Variants in UBIAD1 observed in about 807,000 individuals in gnomAD.
The protein encoded by UBIAD1 is UbiA prenyltransferase domain containing 1.
In UBIAD1, 12 loss-of-function variants were observed where a neutral mutation model predicts 20.1. The ratio of observed to expected loss-of-function variants is 0.60; its 90% confidence interval spans 0.38 to 0.97. The LOEUF (loss-of-function observed/expected upper bound fraction) is 0.97, where lower values mean the gene tolerates loss of function less well. UBIAD1 is among the 50% of genes least tolerant of loss of function. UBIAD1 has a pLI of 0.00. For synonymous variants in UBIAD1, 207 were observed against 189.2 expected (o/e 1.09, Z -0.77); for missense variants, 333 against 419.5 (o/e 0.79, Z 1.80).
In UBIAD1 at chr1:11,285,061, G is replaced by A. The variant is rs146040646; in HGVS notation, c.530-583G>A. Among the ~76,000 whole-genome samples, 9 of 152,302 alleles carry A rather than the reference G, an allele frequency of 5.9e-5. No individual in the cohort carries two copies. The highest frequency in any genetic ancestry group is 4.1e-4 in the South Asian group (2 of 4,824). Reference sequence around the variant, plus strand: ...TTTCAATCTCATAGGAGACAGAGGAGGAAAGCAGCATTATAACTCTCCTGT... The same window carrying A: ...TTTCAATCTCATAGGAGACAGAGGAAGAAAGCAGCATTATAACTCTCCTGT... On this transcript the variant is annotated intron_variant, in intron 1 of 1. Transcript: ENST00000376810. The surrounding 1 kb of genome is among the most constrained non-coding windows in gnomAD (Gnocchi z 4.4).
rs144027134 is a variant in UBIAD1 at position 11,283,688 on chromosome 1, G to A, written c.530-1956G>A. Among the ~76,000 whole-genome samples the A allele has an allele frequency of 2.6e-5, 4 of 152,260 alleles. No homozygotes were observed. The East Asian group carries it at 5.8e-4, about 22-fold the overall frequency. ...GCACCAAGGGACCCCAGCTGCTGAT[G>A]TGAAGGTGAACTTGGACTGGATCTT... is the stretch of plus-strand genomic sequence containing the variant. On this transcript the variant is annotated intron_variant, in intron 1 of 1. Transcript: ENST00000376810.
chr1:11,285,789 C>G lies in UBIAD1; in HGVS notation c.675C>G (p.Thr225=), dbSNP rs139434794. 1.2e-4 allele frequency: 192 copies of G among 1,614,230 alleles called. No individual in the cohort carries two copies. In the African/African-American group the frequency reaches 2.3e-3, roughly 19 times the overall value. Reference sequence around the variant, plus strand: ...ATGCCATCCCCCTCGCCCTCAGCACCGAGGCCATTCTCCATTCCAACAACA... The same window carrying G: ...ATGCCATCCCCCTCGCCCTCAGCACGGAGGCCATTCTCCATTCCAACAACA... ...LVYAIPLALS[T]EAILHSNNTR... is the part of the protein sequence containing the mutation. The change falls in exon 2 of 2, where the codon ACC becomes ACG. Residue 225 remains threonine (T), a synonymous_variant. Coordinates refer to ENST00000376810, the MANE Select transcript of UBIAD1 (RefSeq NM_013319.3). This position sits in a 1 kb window ranked among gnomAD's most constrained non-coding sequence, Gnocchi z 4.4.
chr1:11,298,770 A>G (rs983662531), downstream of UBIAD1, among the ~76,000 whole-genome samples: 1 of 152,082 alleles, frequency 6.6e-6, no homozygotes, highest in African/African-American at 2.4e-5. The surrounding 1 kb of genome is among the most constrained non-coding windows in gnomAD (Gnocchi z 4.0). Context: ...AGCCATCTCA[A>G]TGTCTAGACA....
chr1:11,273,869 A>G lies in UBIAD1; in HGVS notation c.338A>G (p.His113Arg). The change falls in exon 1 of 2, where the codon CAC (histidine) becomes CGC (arginine). Residue 113 changes from histidine to arginine, a missense_variant. By Grantham distance (29) the His-to-Arg change is conservative. Coordinates refer to ENST00000376810, the MANE Select transcript of UBIAD1 (RefSeq NM_013319.3). This position sits in a 1 kb window ranked among gnomAD's most constrained non-coding sequence, Gnocchi z 4.9. ...TYYDFSKGID[H>R]KKSDDRTLVD... is the part of the protein sequence containing the mutation. Reference sequence around the variant, plus strand: ...TATGACTTTTCCAAGGGCATTGACCACAAAAAGAGTGATGACAGGACACTT... The same window carrying G: ...TATGACTTTTCCAAGGGCATTGACCGCAAAAAGAGTGATGACAGGACACTT... 1 of 1,614,230 alleles carries G rather than the reference A, an allele frequency of 6.2e-7. No individual in the cohort carries two copies. Among genetic ancestry groups the G allele is most frequent in the African/African-American group, 1.3e-5 (1 of 75,058 alleles).
chr1:11,286,544 C>T lies in UBIAD1; in HGVS notation c.*413C>T. On this transcript the variant is annotated 3_prime_UTR_variant, in exon 2 of 2. Coordinates refer to ENST00000376810, the MANE Select transcript of UBIAD1 (RefSeq NM_013319.3). ...AATAACTAGGCAGAGTGTTGTCCTG[C>T]TTTCTTCGTCTCGTAGGATGTGCTA... The T allele has an allele frequency of 3.3e-6, 1 of 299,124 alleles. No individual in the cohort carries two copies. The highest frequency in any genetic ancestry group is 3.2e-5 in the South Asian group (1 of 31,406). 18.5% of individuals were successfully genotyped at this position (299,124 alleles called of 1,614,324 possible). A position where few individuals can be genotyped will look rare whatever the true frequency, so the allele number is the denominator to read the frequency against.
chr1:11,298,606 A>AAAT (rs1189366758), downstream of UBIAD1, among the ~76,000 whole-genome samples: 1 of 151,472 alleles, frequency 6.6e-6, no homozygotes, highest in African/African-American at 2.4e-5. This position sits in a 1 kb window ranked among gnomAD's most constrained non-coding sequence, Gnocchi z 4.0. Flanking sequence ...ATAAATAAAT[A>AAAT]AAAGTTTCCC....
chr1:11,283,548 A>G (rs894095036), intron 1 of UBIAD1, among the ~76,000 whole-genome samples: 3 of 152,142 alleles, frequency 2.0e-5, no homozygotes, highest in Admixed American at 1.3e-4. Flanking sequence ...AAGGAAAAAA[A>G]ATATGGCTTG....
chr1:11,299,187 T>C (rs1638493561), downstream of UBIAD1, among the ~76,000 whole-genome samples: 1 of 152,202 alleles, frequency 6.6e-6, no homozygotes, highest in Admixed American at 6.5e-5. Flanking sequence ...TTTCTCTCAG[T>C]GGCGGGCATG....
At chr1:11,296,172 G>A (rs1408093962), downstream of UBIAD1, 2 of 152,194 alleles carry the variant, frequency 1.3e-5, no homozygotes, top group Non-Finnish European at 2.9e-5. Flanking sequence ...AGGTATCATG[G>A]TAAATGAGAC....
At chr1:11,292,789 C>T (rs573401150), downstream of UBIAD1, among the ~76,000 whole-genome samples, 59 of 152,196 alleles carry the variant, frequency 3.9e-4, no homozygotes, top group Non-Finnish European at 6.3e-4. Context: ...GCGGACCACT[C>T]TGCTGCTAAT....
intron 1 of UBIAD1, chr1:11,294,732 C>G (rs917740534): frequency 1.4e-6 from 1 of 702,924 alleles, no homozygotes; most frequent in Non-Finnish European, 2.7e-6. Flanking sequence ...GCGAAAGTTA[C>G]AAGTCAAAGT....
At chr1:11,280,096 T>C (rs1435444508) in intron 1 of UBIAD1, among the ~76,000 whole-genome samples, 1 of 152,204 alleles carries the variant, frequency 6.6e-6, no homozygotes, top group East Asian at 1.9e-4. Flanking sequence ...GAAGAGGCTG[T>C]CTTTGTGAAA....
intron 1 of UBIAD1, among the ~76,000 whole-genome samples, chr1:11,283,598 GTGGCCAT>G (rs1652315774): frequency 6.6e-6 from 1 of 152,138 alleles, no homozygotes; most frequent in African/African-American, 2.4e-5. Context: ...AAGAGTGTCA[GTGGCCAT>G]GCCTTAATGC....
chr1:11,282,596 T>A (rs539077131), intron 1 of UBIAD1, among the ~76,000 whole-genome samples: 2 of 148,158 alleles, frequency 1.3e-5, no homozygotes, highest in East Asian at 4.0e-4. Flanking sequence ...AGAGTTTAGC[T>A]CTTGTTGACC....
intron 1 of UBIAD1, among the ~76,000 whole-genome samples, chr1:11,275,404 G>T (rs998337883): frequency 1.3e-5 from 2 of 152,124 alleles, no homozygotes; most frequent in African/African-American, 4.8e-5. Context: ...ATGGGACACA[G>T]ATTACTATTT....
chr1:11,275,413 T>C (rs1651983523), intron 1 of UBIAD1, among the ~76,000 whole-genome samples: 1 of 152,034 alleles, frequency 6.6e-6, no homozygotes, highest in Non-Finnish European at 1.5e-5. Flanking sequence ...AGATTACTAT[T>C]TTAAGTAGTT....
In UBIAD1 at chr1:11,285,494, C is replaced by T. The variant is rs1236198294; in HGVS notation, c.530-150C>T. Reference sequence around the variant, plus strand: ...ATTGGAGAAGAAATCAGAATTTGCTCTGTGGGGTTAAGGGATGAAATGAGT... The same window carrying T: ...ATTGGAGAAGAAATCAGAATTTGCTTTGTGGGGTTAAGGGATGAAATGAGT... On this transcript the variant is annotated intron_variant, in intron 1 of 1. Transcript: ENST00000376810. This position sits in a 1 kb window ranked among gnomAD's most constrained non-coding sequence, Gnocchi z 4.4. 4 of 1,206,760 alleles carry T rather than the reference C, an allele frequency of 3.3e-6. No homozygotes were observed. The highest frequency in any genetic ancestry group is 5.0e-5 in the East Asian group (2 of 40,064). 74.8% of individuals were successfully genotyped at this position (1,206,760 alleles called of 1,614,324 possible).
Position 11,273,755 on chromosome 1 carries a change from C to T in UBIAD1, c.224C>T (p.Ser75Phe), listed in dbSNP as rs114000606. 0.01 allele frequency: 16,715 copies of T among 1,614,146 alleles called. 117 individuals carry two copies. The highest frequency in any genetic ancestry group is 0.013 in the Non-Finnish European group (14,783 of 1,180,032). Residue 75 changes from serine to phenylalanine, a missense_variant, in exon 1 of 2, where the codon TCC becomes TTC. Coordinates refer to ENST00000376810, the MANE Select transcript of UBIAD1 (RefSeq NM_013319.3). This position sits in a 1 kb window ranked among gnomAD's most constrained non-coding sequence, Gnocchi z 4.9. ...VALGSALAYR[S>F]HGVLDPRLLV... ...CTGGGCAGTGCCCTTGCCTACAGAT[C>T]CCACGGTGTCCTGGATCCCAGGCTC...
chr1:11,285,530 A>G lies in UBIAD1; in HGVS notation c.530-114A>G. The G allele has an allele frequency of 2.6e-6, 4 of 1,517,290 alleles. No homozygotes were observed. Among genetic ancestry groups the G allele is most frequent in the South Asian group, 1.2e-5 (1 of 86,736 alleles). The allele number at this position is 1,517,290 out of a possible 1,614,324, so 94.0% of individuals were successfully genotyped here. On this transcript the variant is annotated intron_variant, in intron 1 of 1. Transcript: ENST00000376810. This position sits in a 1 kb window ranked among gnomAD's most constrained non-coding sequence, Gnocchi z 4.4. ...AGGGATGAAATGAGTGCCCACCTGC[A>G]CAGTCTAAGGATTTACCATTTTCAG...
Sources: gnomAD v4.1 joint callset for allele counts (sites outside exome capture counted in the v4.1 genomes callset) on GRCh38, gnomAD v4.1.1 for gene constraint, Gnocchi (gnomAD v3.1) non-coding constraint, MANE v1.5 for transcripts, NCBI Gene and HGNC (gene_info 2026-07-23, HGNC 2026-07-21) for gene names.